Variants in LUZP1 observed in about 807,000 individuals in gnomAD.
LUZP1 encodes leucine zipper protein 1, also known as filamin mechanobinding actin cross-linking protein.
LUZP1 carries 25 observed loss-of-function variants against 71.3 expected under a neutral mutation model. The ratio of observed to expected loss-of-function variants is 0.35; its 90% confidence interval spans 0.26 to 0.49. The LOEUF (loss-of-function observed/expected upper bound fraction) is 0.49, where lower values mean the gene tolerates loss of function less well. Ranked by LOEUF, LUZP1 falls within the 20% of genes least tolerant of loss-of-function variation. LUZP1 has a pLI of 0.99. For synonymous variants in LUZP1, 481 were observed against 506.4 expected (o/e 0.95, Z 0.67); for missense variants, 1,142 against 1,300.8 (o/e 0.88, Z 1.88).
intron 2 of LUZP1, among the ~76,000 whole-genome samples, chr1:23,138,370 A>G (rs970761909): frequency 2.0e-5 from 3 of 152,224 alleles, no homozygotes; most frequent in Admixed American, 6.5e-5. Context: ...CCTGGAAAAC[A>G]CTATAGCAAA....
exon 5 of LUZP1, chr1:23,084,979 A>C (rs1040054444): frequency 6.6e-6 from 1 of 152,654 alleles, no homozygotes; most frequent in Non-Finnish European, 1.5e-5. Context: ...GAAACGAGGG[A>C]GCTTTATTGG....
At chr1:23,096,997 C>G (rs1643895744) in intron 3 of LUZP1, among the ~76,000 whole-genome samples, 1 of 152,092 alleles carries the variant, frequency 6.6e-6, no homozygotes, top group Non-Finnish European at 1.5e-5. Context: ...ATTATTTCCT[C>G]ACAGTTCTGG....
rs144541340 is a variant in LUZP1 at position 23,132,325 on chromosome 1, C to T, written c.-225-23198G>A. On this transcript the variant is annotated intron_variant, in intron 2 of 4. Coordinates refer to ENST00000302291, the Ensembl canonical transcript of LUZP1. ...TGGTCATAAGCTAAAGAATCCTTGA[C>T]ACTGCCATCCCCAGTCAATCTCATT... 5.4e-3 allele frequency among the ~76,000 whole-genome samples: 816 copies of T among 152,238 alleles called. 5 individuals are homozygous for T. Among genetic ancestry groups the T allele is most frequent in the African/African-American group, 0.018 (731 of 41,552 alleles).
intron 2 of LUZP1, chr1:23,162,784 C>T (rs1361209967): frequency 6.6e-6 from 1 of 152,114 alleles, no homozygotes; most frequent in Non-Finnish European, 1.5e-5. Flanking sequence ...GGATGACATG[C>T]TAATTCATAA....
At chr1:23,124,725 G>T (rs1165823623) in intron 2 of LUZP1, among the ~76,000 whole-genome samples, 4 of 152,074 alleles carry the variant, frequency 2.6e-5, no homozygotes, top group Admixed American at 2.0e-4. Context: ...GGGCAAGGAG[G>T]TACATTTTTT....
rs1034392778 is a variant in LUZP1 at position 23,094,621 on chromosome 1, A to T, written c.-119-241T>A. On this transcript the variant is annotated intron_variant, in intron 3 of 4. Transcript: ENST00000302291. The surrounding 1 kb of genome is among the most constrained non-coding windows in gnomAD (Gnocchi z 4.7). ...TCACCAGTGGCAGCATGGCAAAAAG[A>T]CATATAAGAAGCCTCAATTTTCATG... Among the ~76,000 whole-genome samples, 1 of 152,176 alleles carries T rather than the reference A, an allele frequency of 6.6e-6. No homozygotes were observed. Among genetic ancestry groups the T allele is most frequent in the Non-Finnish European group, 1.5e-5 (1 of 68,032 alleles).
intron 2 of LUZP1, among the ~76,000 whole-genome samples, chr1:23,126,359 T>G (rs1360362200): frequency 6.6e-6 from 1 of 152,186 alleles, no homozygotes; most frequent in African/African-American, 2.4e-5. Context: ...AGGTCATGCT[T>G]GTAATCCCAG....
intron 1 of LUZP1, among the ~76,000 whole-genome samples, chr1:23,173,326 A>G (rs1404024615): frequency 1.5e-5 from 2 of 136,530 alleles, no homozygotes; most frequent in Admixed American, 1.4e-4. Context: ...TGCTTTGCTG[A>G]GTTTCATTTT....
chr1:23,149,478 C>T (rs1644366992), intron 2 of LUZP1, among the ~76,000 whole-genome samples: 1 of 152,002 alleles, frequency 6.6e-6, no homozygotes, highest in African/African-American at 2.4e-5. Context: ...GTCAAAGAGG[C>T]TCAAGGAAGA....
At chr1:23,119,649 C>A (rs939165230) in intron 2 of LUZP1, among the ~76,000 whole-genome samples, 1 of 152,074 alleles carries the variant, frequency 6.6e-6, no homozygotes, top group Non-Finnish European at 1.5e-5. Flanking sequence ...ACTTGTTACT[C>A]TCCTGTACCA....
At position 23,092,637 on chromosome 1, in the gene LUZP1, C is replaced by T. The variant is rs767273164; in HGVS notation, c.1625G>A (p.Arg542Lys). 26 of 1,614,084 alleles carry T rather than the reference C, an allele frequency of 1.6e-5. No individual in the cohort carries two copies. Among genetic ancestry groups the T allele is most frequent in the Non-Finnish European group, 2.1e-5 (25 of 1,180,042 alleles). ...ACTTCCGTTGCCAAGCACGTGTCCC[C>T]TCTTGCCAAAGACAGTCTCAGAGGA... The change falls in exon 4 of 5, where the codon AGG (arginine) becomes AAG (lysine). Residue 542 changes from arginine to lysine, a missense_variant. Coordinates refer to ENST00000302291, the Ensembl canonical transcript of LUZP1.
chr1:23,103,595 G>A (rs892481702), intron 3 of LUZP1, among the ~76,000 whole-genome samples: 4 of 151,590 alleles, frequency 2.6e-5, no homozygotes, highest in African/African-American at 9.7e-5. Context: ...TCCATCTTTG[G>A]ACAGCTCTAA....
At chr1:23,141,106 C>T (rs1318664473) in intron 2 of LUZP1, 2 of 152,378 alleles carry the variant, frequency 1.3e-5, no homozygotes, top group Admixed American at 1.3e-4. Context: ...CACCCCTCTA[C>T]TCTGACCAGG....
At chr1:23,139,019 A>AAAAAAAAAATATAT (rs1317355746) in intron 2 of LUZP1, among the ~76,000 whole-genome samples, 7 of 59,952 alleles carry the variant, frequency 1.2e-4, no homozygotes, top group African/African-American at 2.8e-4. Context: ...AAAAAAAAAA[A>AAAAAAAAAATATAT]ATATATATAT....
At position 23,096,428 on chromosome 1, in the gene LUZP1, T is replaced by C. The variant is rs1312376825; in HGVS notation, c.-119-2048A>G. ...ATACAGAATAGGGAACAGGCAATATTTGAAGAGCTAGCAGGTAAGAATTTT... is the reference window on the plus strand; with the variant it reads ...ATACAGAATAGGGAACAGGCAATATCTGAAGAGCTAGCAGGTAAGAATTTT... On this transcript the variant is annotated intron_variant, in intron 3 of 4. Transcript: ENST00000302291. 3.9e-5 allele frequency among the ~76,000 whole-genome samples: 6 copies of C among 152,232 alleles called. No homozygotes were observed. In the South Asian group the frequency reaches 6.2e-4, roughly 16 times the overall value.
chr1:23,126,636 A>G (rs766755429), intron 2 of LUZP1, among the ~76,000 whole-genome samples: 7 of 152,232 alleles, frequency 4.6e-5, no homozygotes, highest in Non-Finnish European at 8.8e-5. Flanking sequence ...GCTCCACAGA[A>G]GTTTAAATAC....
chr1:23,140,005 T>C (rs1569651522), intron 2 of LUZP1, among the ~76,000 whole-genome samples: 2 of 151,534 alleles, frequency 1.3e-5, no homozygotes, highest in South Asian at 4.2e-4. Context: ...CAGGAGGCCA[T>C]TAAGTTTTGG....
intron 3 of LUZP1, among the ~76,000 whole-genome samples, chr1:23,099,224 C>T (rs1401179095): frequency 6.6e-6 from 1 of 152,218 alleles, no homozygotes; most frequent in Non-Finnish European, 1.5e-5. Context: ...CAATTAAAAT[C>T]TTGTCAATGT....
chr1:23,091,726 T>C, exon 4 of LUZP1: 2 of 1,614,084 alleles, frequency 1.2e-6, no homozygotes, highest in East Asian at 2.2e-5. Flanking sequence ...TGTTTGTGAA[T>C]GGAGAGCTCA....
Sources: gnomAD v4.1 joint callset for allele counts (sites outside exome capture counted in the v4.1 genomes callset) on GRCh38, gnomAD v4.1.1 for gene constraint, Gnocchi (gnomAD v3.1) non-coding constraint, MANE v1.5 for transcripts, NCBI Gene and HGNC (gene_info 2026-07-23, HGNC 2026-07-21) for gene names.